PSMA5: variants seen among roughly 807,000 people sequenced by gnomAD.
The protein encoded by PSMA5 is proteasome 20S subunit alpha 5.
Under a neutral mutation model 34.5 loss-of-function variants are expected in PSMA5, and 3 were observed. That is an observed-to-expected ratio of 0.09 (90% confidence interval 0.04 to 0.22). PSMA5 has a LOEUF of 0.22. PSMA5 is among the 10% of genes least tolerant of loss of function. The pLI is 1.00. For missense variants in PSMA5, 120 were observed against 286.1 expected (o/e 0.42, Z 4.19); for synonymous variants, 88 against 95.8 (o/e 0.92, Z 0.47).
chr1:109,426,116 A>G (rs1654646596), intron 1 of PSMA5, 186 bp downstream of exon 1: 2 of 714,322 alleles, frequency 2.8e-6, no homozygotes, highest in Admixed American at 2.6e-5. Flanking sequence ...GCGGTAGGAC[A>G]AGTGCCGCCG....
intron 7 of PSMA5, 105 bp downstream of exon 7, chr1:109,410,906 T>C: frequency 1.2e-6 from 1 of 807,446 alleles, no homozygotes. Flanking sequence ...TATCTTGTTT[T>C]GCAATTGTCA....
At position 109,420,742 on chromosome 1, in the gene PSMA5, C is replaced by G. The variant is rs115014886; in HGVS notation, c.96+1118G>C. Among the ~76,000 whole-genome samples the G allele has an allele frequency of 3.0e-3, 457 of 152,194 alleles. 5 individuals carry two copies. Among genetic ancestry groups the G allele is most frequent in the African/African-American group, 0.01 (436 of 41,526 alleles). ...GAAGAGTGATTCTCAATTGGGGGCC[C>G]TTTTGTCCCCACCAGACATTTGGCA... On this transcript the variant is annotated intron_variant, in intron 2 of 8. Coordinates refer to ENST00000271308, the MANE Select transcript of PSMA5 (RefSeq NM_002790.4).
At chr1:109,415,635 A>G (rs1654163367) in intron 2 of PSMA5, among the ~76,000 whole-genome samples, 1 of 152,130 alleles carries the variant, frequency 6.6e-6, no homozygotes, top group African/African-American at 2.4e-5. Context: ...TTTATAATTT[A>G]CCCATGTAAT....
At chr1:109,407,281 C>G (rs1349148641) in intron 8 of PSMA5, among the ~76,000 whole-genome samples, 1 of 152,226 alleles carries the variant, frequency 6.6e-6, no homozygotes, top group African/African-American at 2.4e-5. Flanking sequence ...GCCACCACGC[C>G]TGGCCGGATA....
chr1:109,408,847 C>T (rs1048014547), intron 8 of PSMA5, among the ~76,000 whole-genome samples: 3 of 151,984 alleles, frequency 2.0e-5, no homozygotes, highest in Admixed American at 1.3e-4. Flanking sequence ...TCCACCACCA[C>T]GCCTGGCTAA....
Position 109,411,189 on chromosome 1 carries a change from A to G in PSMA5, c.459-76T>C, listed in dbSNP as rs1330385427. 4 of 1,007,558 alleles carry G rather than the reference A, an allele frequency of 4.0e-6. 1 individual carries two copies. Among genetic ancestry groups the G allele is most frequent in the South Asian group, 2.8e-5 (2 of 70,934 alleles). 62.4% of individuals were successfully genotyped at this position (1,007,558 alleles called of 1,614,324 possible). A position where few individuals can be genotyped will look rare whatever the true frequency, so the allele number is the denominator to read the frequency against. On this transcript the variant is annotated intron_variant, in intron 6 of 8. Coordinates refer to ENST00000271308, the MANE Select transcript of PSMA5 (RefSeq NM_002790.4). ...TATGTAACAAACGTCTCACTAAAAC[A>G]AAGTATAAATGCTTGGCCCTGCAGC... is the stretch of plus-strand genomic sequence containing the variant.
At chr1:109,414,087 G>A (rs532156887) in intron 3 of PSMA5, among the ~76,000 whole-genome samples, 18 of 152,242 alleles carry the variant, frequency 1.2e-4, no homozygotes, top group African/African-American at 2.6e-4. Flanking sequence ...AAGGAATTCC[G>A]CTCTCTGACC....
At chr1:109,405,447 G>GTTTTTTTTTTTTT (rs11390638) in intron 8 of PSMA5, among the ~76,000 whole-genome samples, 1 of 118,286 alleles carries the variant, frequency 8.5e-6, no homozygotes, top group African/African-American at 3.2e-5. Flanking sequence ...GTCAGAAAAG[G>GTTTTTTTTTTTTT]TTTTTTTTTT....
intron 8 of PSMA5, among the ~76,000 whole-genome samples, chr1:109,403,395 G>A (rs536391210): frequency 7.2e-5 from 11 of 152,056 alleles, no homozygotes; most frequent in African/African-American, 1.9e-4. Context: ...AGACTGAGGC[G>A]GGAGGATCAC....
intron 3 of PSMA5, among the ~76,000 whole-genome samples, chr1:109,413,468 C>T (rs369066094): frequency 6.9e-4 from 105 of 152,292 alleles, no homozygotes; most frequent in African/African-American, 2.5e-3. Flanking sequence ...TCAAACGAAG[C>T]AAATACTAAT....
intron 2 of PSMA5, among the ~76,000 whole-genome samples, chr1:109,417,600 C>A (rs1654266406): frequency 6.6e-6 from 1 of 152,168 alleles, no homozygotes; most frequent in Non-Finnish European, 1.5e-5. Context: ...CAAGCACAGT[C>A]TAAGGCAGGA....
intron 8 of PSMA5, among the ~76,000 whole-genome samples, chr1:109,408,715 G>A (rs1400271193): frequency 1.3e-5 from 2 of 151,246 alleles, no homozygotes; most frequent in African/African-American, 2.4e-5. Context: ...TTTCGGGACG[G>A]AGTCTCGTTC....
At chr1:109,411,845 A>G (rs1654003761) in intron 6 of PSMA5, 32 bp downstream of exon 6, 1 of 1,574,340 alleles carries the variant, frequency 6.4e-7, no homozygotes, top group Admixed American at 1.7e-5. Flanking sequence ...TCCCTGCAAA[A>G]GCATGGGGGA....
chr1:109,426,178 C>T, intron 1 of PSMA5, 124 bp downstream of exon 1: 2 of 1,340,020 alleles, frequency 1.5e-6, no homozygotes, highest in African/African-American at 1.4e-5. Context: ...GGCATAACAT[C>T]CCCAGGTCCG....
chr1:109,409,910 C>T lies in PSMA5; in HGVS notation c.648+18G>A. 6.4e-7 allele frequency: 1 copy of T among 1,557,380 alleles called. No homozygotes were observed. Among genetic ancestry groups the T allele is most frequent in the Non-Finnish European group, 8.7e-7 (1 of 1,143,438 alleles). On this transcript the variant is annotated intron_variant, in intron 8 of 8. Coordinates refer to ENST00000271308, the MANE Select transcript of PSMA5 (RefSeq NM_002790.4). The stretch of plus-strand genomic sequence containing the variant: ...AAAAAAAAAACCGAAAAAAATCCAA[C>T]AATAAAACAGAAAGTACCTCAATGT...
chr1:109,414,394 A>G (rs1202509273), intron 3 of PSMA5, among the ~76,000 whole-genome samples: 1 of 152,224 alleles, frequency 6.6e-6, no homozygotes, highest in East Asian at 1.9e-4. Context: ...CTTTCTTAAT[A>G]CTTTTGTCAC....
chr1:109,422,461 C>T (rs562263032), intron 1 of PSMA5, among the ~76,000 whole-genome samples: 1 of 150,614 alleles, frequency 6.6e-6, no homozygotes, highest in Non-Finnish European at 1.5e-5. Context: ...TTCAGACAAT[C>T]TCTATAAAAC....
intron 2 of PSMA5, 124 bp from the exon 3 acceptor site, chr1:109,415,487 G>C (rs1654154012): frequency 6.4e-6 from 6 of 941,658 alleles, no homozygotes; most frequent in Non-Finnish European, 8.9e-6. Context: ...TATAGGCAGA[G>C]AGAAGGAGCA....
intron 8 of PSMA5, among the ~76,000 whole-genome samples, chr1:109,409,080 A>G (rs370561027): frequency 1.3e-5 from 2 of 152,162 alleles, no homozygotes; most frequent in East Asian, 1.9e-4. Flanking sequence ...CTTTAATGCT[A>G]TCTTCTGCTG....
Sources: gnomAD v4.1 joint callset for allele counts (sites outside exome capture counted in the v4.1 genomes callset) on GRCh38, gnomAD v4.1.1 for gene constraint, MANE v1.5 for transcripts, NCBI Gene and HGNC (gene_info 2026-07-23, HGNC 2026-07-21) for gene names.